Variants in NRG1 observed in about 807,000 individuals in gnomAD.
The protein encoded by NRG1 is pro-neuregulin-1, membrane-bound isoform.
A neutral mutation model predicts 63.8 loss-of-function variants in NRG1; 18 were observed. That is an observed-to-expected ratio of 0.28 (90% confidence interval 0.19 to 0.42). NRG1 has a LOEUF of 0.42. Among genes scored for constraint, NRG1 ranks in the 10% least tolerant of loss-of-function variants. NRG1 has a pLI of 1.00. For missense variants in NRG1, 762 were observed against 814.7 expected (o/e 0.94, Z 0.79); for synonymous variants, 302 against 301.3 (o/e 1.00, Z -0.02).
intron 1 of NRG1, among the ~76,000 whole-genome samples, chr8:32,179,985 C>T (rs1841262315): frequency 6.6e-6 from 1 of 151,990 alleles, no homozygotes; most frequent in African/African-American, 2.4e-5. Context: ...CATTCTAATG[C>T]CATTCCTCTT....
chr8:32,693,773 G>A (rs531116120), intron 5 of NRG1, among the ~76,000 whole-genome samples: 11 of 152,186 alleles, frequency 7.2e-5, no homozygotes, highest in Admixed American at 5.9e-4. Flanking sequence ...ATACAGTAAA[G>A]TCAAAATTTT....
chr8:31,814,899 G>C (rs1334613896), intron 1 of NRG1, among the ~76,000 whole-genome samples: 2 of 151,862 alleles, frequency 1.3e-5, no homozygotes, highest in African/African-American at 4.8e-5. Flanking sequence ...AGCCTCTTCT[G>C]AATTATTCCT....
intron 1 of NRG1, among the ~76,000 whole-genome samples, chr8:32,155,625 A>G (rs962046789): frequency 1.3e-5 from 2 of 152,194 alleles, no homozygotes; most frequent in Admixed American, 6.5e-5. Flanking sequence ...CAAACACTGC[A>G]TTGACGCTTG....
chr8:31,920,064 T>A (rs1341149132), intron 1 of NRG1, among the ~76,000 whole-genome samples: 1 of 152,140 alleles, frequency 6.6e-6, no homozygotes, highest in African/African-American at 2.4e-5. Context: ...ATTATTCCCT[T>A]GAGTAAAATA....
chr8:32,415,882 C>G (rs1006225470), intron 1 of NRG1, among the ~76,000 whole-genome samples: 1 of 152,178 alleles, frequency 6.6e-6, no homozygotes, highest in Non-Finnish European at 1.5e-5. Flanking sequence ...TGGACAGTCC[C>G]TTTGTACACA....
intron 1 of NRG1, among the ~76,000 whole-genome samples, chr8:31,892,388 A>G (rs1486288793): frequency 6.6e-6 from 1 of 152,110 alleles, no homozygotes; most frequent in Non-Finnish European, 1.5e-5. Context: ...AAAAGGTAGT[A>G]TTAAAGGAGA....
intron 1 of NRG1, among the ~76,000 whole-genome samples, chr8:31,675,578 C>T (rs979183365): frequency 2.0e-5 from 3 of 152,148 alleles, no homozygotes; most frequent in Non-Finnish European, 2.9e-5. Context: ...TGCTGGATTT[C>T]CACTTGGAGC....
intron 1 of NRG1, among the ~76,000 whole-genome samples, chr8:32,053,271 A>G (rs984465891): frequency 2.0e-5 from 3 of 152,258 alleles, no homozygotes; most frequent in African/African-American, 7.2e-5. Flanking sequence ...ATCACTTGCC[A>G]TGAGTCCTCA....
intron 1 of NRG1, among the ~76,000 whole-genome samples, chr8:32,401,643 A>G (rs1346864161): frequency 2.0e-5 from 3 of 152,168 alleles, no homozygotes; most frequent in Non-Finnish European, 4.4e-5. Context: ...AACAGAAAAC[A>G]AAATACCACA....
intron 1 of NRG1, among the ~76,000 whole-genome samples, chr8:32,415,880 C>T (rs1412832149): frequency 6.6e-6 from 1 of 152,174 alleles, no homozygotes; most frequent in Non-Finnish European, 1.5e-5. Flanking sequence ...TCTGGACAGT[C>T]CCTTTGTACA....
intron 1 of NRG1, among the ~76,000 whole-genome samples, chr8:32,010,640 GTTA>G (rs1446914862): frequency 6.6e-6 from 1 of 151,928 alleles, no homozygotes. Context: ...ATTGAAATGG[GTTA>G]TTACTCTGTT....
At chr8:31,729,419 A>T (rs1813792115) in intron 1 of NRG1, among the ~76,000 whole-genome samples, 1 of 152,160 alleles carries the variant, frequency 6.6e-6, no homozygotes, top group Admixed American at 6.6e-5. Context: ...TAATGATATT[A>T]GACAAAATAG....
At chr8:32,050,938 A>C (rs952914627) in intron 1 of NRG1, among the ~76,000 whole-genome samples, 8 of 152,186 alleles carry the variant, frequency 5.3e-5, no homozygotes, top group Admixed American at 2.0e-4. Flanking sequence ...ATGATTTATA[A>C]CACAGAGAAA....
chr8:32,772,775 T>C (rs865827874), downstream of NRG1, among the ~76,000 whole-genome samples: 3 of 152,022 alleles, frequency 2.0e-5, no homozygotes, highest in African/African-American at 7.3e-5. Flanking sequence ...CACAGACAAT[T>C]TTATCTTGGA....
At chr8:32,719,626 T>G (rs79571153) in intron 5 of NRG1, among the ~76,000 whole-genome samples, 2,097 of 152,254 alleles carry the variant, frequency 0.014, 43 homozygotes, top group African/African-American at 0.048. Flanking sequence ...TGAATCAGGA[T>G]CTGAATAAAA....
At chr8:32,090,334 A>G (rs1828926700) in intron 1 of NRG1, among the ~76,000 whole-genome samples, 1 of 152,218 alleles carries the variant, frequency 6.6e-6, no homozygotes, top group African/African-American at 2.4e-5. Flanking sequence ...GTCATGGACT[A>G]AATTTTAATA....
intron 1 of NRG1, among the ~76,000 whole-genome samples, chr8:32,010,059 A>G (rs1040821650): frequency 6.6e-6 from 1 of 152,070 alleles, no homozygotes; most frequent in African/African-American, 2.4e-5. Context: ...AGCTAAAAGC[A>G]GATTCTCTCA....
intron 1 of NRG1, among the ~76,000 whole-genome samples, chr8:32,462,280 A>C (rs1161848872): frequency 2.0e-5 from 3 of 152,224 alleles, no homozygotes; most frequent in Admixed American, 2.0e-4. Flanking sequence ...ACAACAGTGC[A>C]GTAGGTAAAA....
intron 1 of NRG1, among the ~76,000 whole-genome samples, chr8:32,378,768 C>G (rs1018339430): frequency 6.9e-6 from 1 of 145,464 alleles, no homozygotes; most frequent in African/African-American, 2.5e-5. Flanking sequence ...ATCCCTCCCC[C>G]GTCCCCCAAC....
Sources: gnomAD v4.1 joint callset for allele counts (sites outside exome capture counted in the v4.1 genomes callset) on GRCh38, gnomAD v4.1.1 for gene constraint, MANE v1.5 for transcripts, NCBI Gene and HGNC (gene_info 2026-07-23, HGNC 2026-07-21) for gene names.